The following RPA3 variants were observed in gnomAD, a reference collection of about 807,000 sequenced individuals.
RPA3 encodes the protein replication protein A 14 kDa subunit.
RPA3 carries 24 observed loss-of-function variants against 13.7 expected under a neutral mutation model. That is an observed-to-expected ratio of 1.75 (90% CI 1.27 to 2.46). The LOEUF is 2.46. Ranked by LOEUF, RPA3 falls within the 30% of genes most tolerant of loss-of-function variation. RPA3 has a pLI of 0.00. For missense variants in RPA3, 183 were observed against 151.0 expected, an observed-to-expected ratio of 1.21 and a Z score of -1.11; for synonymous variants, 59 against 51.2, an observed-to-expected ratio of 1.15 and a Z score of -0.65.
intron 4 of RPA3, among the ~76,000 whole-genome samples, chr7:7,656,309 A>G (rs898378156): frequency 6.6e-6 from 1 of 151,194 alleles, no homozygotes. Flanking sequence ...CATGTATTTA[A>G]AAAAATTTTT....
At chr7:7,649,912 C>T (rs1468163717) in intron 4 of RPA3, among the ~76,000 whole-genome samples, 3 of 152,186 alleles carry the variant, frequency 2.0e-5, no homozygotes, top group Admixed American at 6.5e-5. Flanking sequence ...GAAAAGATGG[C>T]TGTCTGTGAA....
At chr7:7,701,316 G>A (rs1408745561) in intron 2 of RPA3, among the ~76,000 whole-genome samples, 2 of 152,150 alleles carry the variant, frequency 1.3e-5, no homozygotes, top group African/African-American at 4.8e-5. Context: ...GGGAAACTAG[G>A]TTAGGGGACC....
intron 4 of RPA3, among the ~76,000 whole-genome samples, chr7:7,655,797 G>C (rs1400137516): frequency 6.6e-6 from 1 of 151,036 alleles, no homozygotes; most frequent in South Asian, 2.1e-4. Flanking sequence ...TAGGTATATA[G>C]TAAGTGTATA....
At chr7:7,662,547 G>A (rs1037113470) in intron 4 of RPA3, among the ~76,000 whole-genome samples, 8 of 152,174 alleles carry the variant, frequency 5.3e-5, no homozygotes, top group Non-Finnish European at 1.0e-4. Flanking sequence ...AGTCCCTCAA[G>A]GCTTCCCTTG....
chr7:7,701,825 T>G (rs1780471409), intron 2 of RPA3, among the ~76,000 whole-genome samples: 1 of 152,220 alleles, frequency 6.6e-6, no homozygotes, highest in South Asian at 2.1e-4. Flanking sequence ...GATGACTGTC[T>G]GCCCTCTGAG....
intron 4 of RPA3, among the ~76,000 whole-genome samples, chr7:7,678,064 C>T (rs542934616): frequency 2.6e-5 from 4 of 152,156 alleles, no homozygotes; most frequent in Non-Finnish European, 5.9e-5. Flanking sequence ...ATGTGGACGT[C>T]TCTTTGATAT....
Position 7,695,100 on chromosome 7 carries a change from T to C in RPA3, c.-1027-7772A>G, listed in dbSNP as rs577593443. On this transcript the variant is annotated intron_variant, in intron 2 of 7. Coordinates refer to ENST00000223129, the MANE Select transcript of RPA3 (RefSeq NM_002947.5). ...CCATTTTAACTGGGGTGAGATGATA[T>C]CTTGTTGTAATTATGATTTGCTTTC... Among the ~76,000 whole-genome samples, 236 of 152,326 alleles carry C rather than the reference T, an allele frequency of 1.5e-3. 1 individual carries two copies. The highest frequency in any genetic ancestry group is 5.4e-3 in the African/African-American group (225 of 41,576).
At chr7:7,669,272 C>G (rs746796372) in intron 4 of RPA3, among the ~76,000 whole-genome samples, 1 of 152,112 alleles carries the variant, frequency 6.6e-6, no homozygotes, top group Non-Finnish European at 1.5e-5. Context: ...GATATAGGGT[C>G]TGACACACTG....
chr7:7,670,459 A>G (rs776956031), intron 4 of RPA3, among the ~76,000 whole-genome samples: 3 of 152,198 alleles, frequency 2.0e-5, no homozygotes. Flanking sequence ...AAACTGTCCT[A>G]TTATGTCTCC....
At chr7:7,662,358 G>T (rs537412835) in intron 4 of RPA3, among the ~76,000 whole-genome samples, 1 of 152,206 alleles carries the variant, frequency 6.6e-6, no homozygotes, top group Non-Finnish European at 1.5e-5. Context: ...AGTGGGGTAT[G>T]AAAAAAGAAA....
At chr7:7,682,306 C>A (rs548199290) in intron 4 of RPA3, among the ~76,000 whole-genome samples, 1 of 152,190 alleles carries the variant, frequency 6.6e-6, no homozygotes, top group African/African-American at 2.4e-5. Context: ...TTTAGTCTCA[C>A]CTTCTGTTTT....
chr7:7,717,829 C>G (rs889557554), intron 1 of RPA3, among the ~76,000 whole-genome samples: 1 of 152,128 alleles, frequency 6.6e-6, no homozygotes, highest in African/African-American at 2.4e-5. Flanking sequence ...TTACCATCAC[C>G]TTTTATGCTT....
chr7:7,696,779 A>G (rs1780329389), intron 2 of RPA3, among the ~76,000 whole-genome samples: 1 of 151,970 alleles, frequency 6.6e-6, no homozygotes, highest in East Asian at 1.9e-4. Context: ...TATTAACTCT[A>G]TAGGTAGGGC....
At chr7:7,649,158 CAA>C (rs34943326) in intron 4 of RPA3, among the ~76,000 whole-genome samples, 2 of 128,864 alleles carry the variant, frequency 1.6e-5, no homozygotes, top group Non-Finnish European at 1.6e-5. Flanking sequence ...GACTCCATCT[CAA>C]AAAAAAAAAA....
At chr7:7,705,823 A>G (rs1780585127) in intron 2 of RPA3, among the ~76,000 whole-genome samples, 1 of 152,182 alleles carries the variant, frequency 6.6e-6, no homozygotes, top group Non-Finnish European at 1.5e-5. Context: ...GTGTATGTTC[A>G]TCAATTGTAA....
At chr7:7,687,173 A>G (rs1421479352) in intron 3 of RPA3, 55 bp downstream of exon 3, 3 of 152,128 alleles carry the variant, frequency 2.0e-5, no homozygotes, top group South Asian at 4.1e-4. Flanking sequence ...TAGTATTTGG[A>G]TTCTATTTAA....
intron 2 of RPA3, among the ~76,000 whole-genome samples, chr7:7,695,919 T>G (rs1444182281): frequency 6.6e-6 from 1 of 151,920 alleles, no homozygotes; most frequent in Admixed American, 6.6e-5. Context: ...TGTGAAACAG[T>G]GAGATGGATC....
chr7:7,641,340 G>A (rs17466949), intron 4 of RPA3, among the ~76,000 whole-genome samples, 165 bp from the exon 5 acceptor site: 1 of 152,162 alleles, frequency 6.6e-6, no homozygotes, highest in East Asian at 1.9e-4. Context: ...CCAGTACTAG[G>A]GGAGACAAGC....
At chr7:7,712,548 T>C (rs998080856) in intron 2 of RPA3, among the ~76,000 whole-genome samples, 4 of 152,210 alleles carry the variant, frequency 2.6e-5, no homozygotes, top group Admixed American at 2.6e-4. Flanking sequence ...AGCAACCATC[T>C]TGATAAAATA....
Sources: allele counts gnomAD v4.1 joint callset (sites outside exome capture counted in the v4.1 genomes callset), GRCh38; gene constraint gnomAD v4.1.1; transcripts MANE v1.5; gene names NCBI Gene and HGNC (gene_info 2026-07-23, HGNC 2026-07-21).